The following GRM7 variants were observed in gnomAD, a reference collection of about 807,000 sequenced individuals.
The protein encoded by GRM7 is metabotropic glutamate receptor 7.
Under a neutral mutation model 84.5 loss-of-function variants are expected in GRM7, and 35 were observed. The ratio of observed to expected loss-of-function variants is 0.41; its 90% confidence interval spans 0.32 to 0.55. The LOEUF (loss-of-function observed/expected upper bound fraction) is 0.55, where lower values mean the gene tolerates loss of function less well. GRM7 is among the 20% of genes least tolerant of loss of function. The pLI, the probability that GRM7 is intolerant of heterozygous loss-of-function variation, is 0.19. For synonymous variants in GRM7, 487 were observed against 455.1 expected, an observed-to-expected ratio of 1.07 and a Z score of -0.89; for missense variants, 1,003 against 1,194.6, an observed-to-expected ratio of 0.84 and a Z score of 2.36.
chr3:7,426,991 GA>G (rs1696636729), intron 5 of GRM7, among the ~76,000 whole-genome samples: 1 of 152,228 alleles, frequency 6.6e-6, no homozygotes. Context: ...GCTGCACTTA[GA>G]ACACTGAAGC....
intron 5 of GRM7, among the ~76,000 whole-genome samples, chr3:7,450,036 A>T (rs1266380470): frequency 6.6e-6 from 1 of 152,142 alleles, no homozygotes. Flanking sequence ...CAAACTGGGA[A>T]AAATATTTGC....
chr3:7,356,785 C>G (rs62237107), intron 4 of GRM7, among the ~76,000 whole-genome samples: 85,253 of 151,664 alleles, frequency 0.56, 24,322 homozygotes, highest in African/African-American at 0.66. Context: ...ACTAGAGGCT[C>G]TATTGTCAGC....
chr3:7,469,674 T>C (rs1002330066), intron 7 of GRM7, among the ~76,000 whole-genome samples: 3 of 152,194 alleles, frequency 2.0e-5, no homozygotes, highest in Non-Finnish European at 4.4e-5. Flanking sequence ...TCTGATCATA[T>C]CTGTGAACCA....
At chr3:7,575,945 A>G (rs1165337308) in intron 7 of GRM7, among the ~76,000 whole-genome samples, 2 of 152,206 alleles carry the variant, frequency 1.3e-5, no homozygotes, top group Admixed American at 1.3e-4. Flanking sequence ...AACTGGCTGT[A>G]AAGTATTACA....
chr3:6,988,867 C>A (rs548274983), intron 1 of GRM7, among the ~76,000 whole-genome samples: 1 of 152,210 alleles, frequency 6.6e-6, no homozygotes, highest in African/African-American at 2.4e-5. Context: ...TATTTGTAGG[C>A]CACATAAGTA....
At chr3:7,023,365 T>C (rs1440284898) in intron 1 of GRM7, among the ~76,000 whole-genome samples, 1 of 151,684 alleles carries the variant, frequency 6.6e-6, no homozygotes, top group Non-Finnish European at 1.5e-5. Flanking sequence ...GAGAGTCAGG[T>C]AGAGGGGAAT....
chr3:7,324,142 C>G (rs1175968617), intron 4 of GRM7, among the ~76,000 whole-genome samples: 4 of 152,106 alleles, frequency 2.6e-5, no homozygotes, highest in Non-Finnish European at 5.9e-5. Context: ...CATTTATTTC[C>G]TGATCCAGAA....
At chr3:7,671,766 A>G (rs565916166) in intron 8 of GRM7, among the ~76,000 whole-genome samples, 1 of 152,066 alleles carries the variant, frequency 6.6e-6, no homozygotes, top group East Asian at 1.9e-4. Context: ...TCTAATAATG[A>G]CACTTGCAAT....
At chr3:7,149,475 T>C (rs549407843) in intron 2 of GRM7, among the ~76,000 whole-genome samples, 1 of 152,316 alleles carries the variant, frequency 6.6e-6, no homozygotes. Flanking sequence ...CTATTGGAAT[T>C]TCTGGGCATA....
At chr3:7,110,309 T>A (rs1482176186) in intron 1 of GRM7, among the ~76,000 whole-genome samples, 3 of 151,998 alleles carry the variant, frequency 2.0e-5, no homozygotes, top group Non-Finnish European at 2.9e-5. Context: ...TAAAATATAA[T>A]ACTGATTCAG....
At chr3:7,634,777 G>C (rs752600959) in intron 8 of GRM7, among the ~76,000 whole-genome samples, 7 of 143,440 alleles carry the variant, frequency 4.9e-5, no homozygotes, top group Non-Finnish European at 1.1e-4. Flanking sequence ...CTGGGCGACA[G>C]AGTGAGACTC....
chr3:7,508,190 A>C (rs1168338142), intron 7 of GRM7, among the ~76,000 whole-genome samples: 1 of 152,152 alleles, frequency 6.6e-6, no homozygotes, highest in Admixed American at 6.6e-5. Flanking sequence ...GAACCTATCA[A>C]AACCAGAATA....
At chr3:7,250,521 T>G (rs1227038046) in intron 2 of GRM7, among the ~76,000 whole-genome samples, 1 of 141,672 alleles carries the variant, frequency 7.1e-6, no homozygotes, top group East Asian at 2.1e-4. Flanking sequence ...ATTTATTTAT[T>G]TATTATTTGG....
At chr3:7,728,046 T>C (rs1047656054) in intron 9 of GRM7, among the ~76,000 whole-genome samples, 2 of 152,202 alleles carry the variant, frequency 1.3e-5, no homozygotes, top group African/African-American at 4.8e-5. Flanking sequence ...CTTTGAGCCC[T>C]CTTGGTCCTC....
chr3:7,583,329 A>G (rs1872399), intron 8 of GRM7, among the ~76,000 whole-genome samples: 5,194 of 152,290 alleles, frequency 0.034, 299 homozygotes, highest in African/African-American at 0.12. Context: ...TCAGAATCTG[A>G]ACACAAAGTA....
chr3:7,101,781 T>A (rs1699117069), intron 1 of GRM7, among the ~76,000 whole-genome samples: 1 of 147,630 alleles, frequency 6.8e-6, no homozygotes, highest in Non-Finnish European at 1.5e-5. Flanking sequence ...TTAAAATATA[T>A]AAATATATAA....
chr3:7,232,323 CAT>C (rs1697219732), intron 2 of GRM7, among the ~76,000 whole-genome samples: 1 of 151,478 alleles, frequency 6.6e-6, no homozygotes, highest in Non-Finnish European at 1.5e-5. Context: ...TTTGACAAAA[CAT>C]AGGTCAATGC....
At position 7,290,423 on chromosome 3, in the gene GRM7, C is replaced by T. The variant is rs183455453; in HGVS notation, c.737-8261C>T. 6.4e-4 allele frequency among the ~76,000 whole-genome samples: 98 copies of T among 152,242 alleles called. 1 individual carries two copies. Among genetic ancestry groups the T allele is most frequent in the Middle Eastern group, 3.4e-3 (1 of 294 alleles). On this transcript the variant is annotated intron_variant, in intron 2 of 9. Transcript: ENST00000357716. ...CCTCAACATGTCCCAAAGTATAATG[C>T]AAATGTTTCTCAGGCAAAATAGTGC... is the stretch of plus-strand genomic sequence containing the variant.
rs572616888 is a variant in GRM7, at chr3:7,389,646, A to G, written c.1034-25377A>G. Among the ~76,000 whole-genome samples, 117 of 152,124 alleles carry G rather than the reference A, an allele frequency of 7.7e-4. 2 individuals carry two copies. The South Asian group carries it at 0.024, about 31-fold the overall frequency. On this transcript the variant is annotated intron_variant, in intron 4 of 9. Coordinates refer to ENST00000357716, the MANE Select transcript of GRM7 (RefSeq NM_000844.4). ...TCCTTTTTTTCTGTTATTGGTTTAA[A>G]GTCTATTTTATATGATAAAAGAATC...
Sources: allele counts gnomAD v4.1 joint callset (sites outside exome capture counted in the v4.1 genomes callset), GRCh38; gene constraint gnomAD v4.1.1; transcripts MANE v1.5; gene names NCBI Gene and HGNC (gene_info 2026-07-23, HGNC 2026-07-21).